Variants in CLTC observed in about 807,000 individuals in gnomAD.
The protein encoded by CLTC is clathrin heavy chain 1.
A neutral mutation model predicts 195.8 loss-of-function variants in CLTC; 16 were observed. The observed-to-expected ratio is 0.08, with a 90% CI of 0.06 to 0.12. The LOEUF (loss-of-function observed/expected upper bound fraction) is 0.12, where lower values mean the gene tolerates loss of function less well. CLTC is among the 10% of genes least tolerant of loss of function. The pLI is 1.00. For synonymous variants in CLTC, 667 were observed against 689.4 expected, an observed-to-expected ratio of 0.97 and a Z score of 0.51; for missense variants, 796 against 2,027.0, an observed-to-expected ratio of 0.39 and a Z score of 11.66.
rs1555608778 is a variant in CLTC, at chr17:59,695,681, C to CTAT, written c.*1831_*1833dup. On this transcript the variant is annotated 3_prime_UTR_variant, in exon 32 of 32. Coordinates refer to ENST00000269122, the MANE Select transcript of CLTC (RefSeq NM_004859.4). ...CTCTTGTCTCAAAAAACAAAAAAAC[C>CTAT]TATTTAGTTTCATCCAGGACATTAA... is the stretch of plus-strand genomic sequence containing the variant. 2.2e-5 allele frequency: 4 copies of CTAT among 185,960 alleles called. No homozygotes were observed. Among genetic ancestry groups the CTAT allele is most frequent in the Non-Finnish European group, 3.4e-5 (3 of 88,322 alleles). The allele number at this position is 185,960 out of a possible 1,614,324, so 11.5% of individuals were successfully genotyped here. A position where few individuals can be genotyped will look rare whatever the true frequency, so the allele number is the denominator to read the frequency against.
chr17:59,666,997 T>C lies in CLTC; in HGVS notation c.2128+20T>C. The C allele has an allele frequency of 1.9e-6, 3 of 1,589,032 alleles. No individual in the cohort carries two copies. The East Asian group carries it at 6.7e-5, about 36-fold the overall frequency. On this transcript the variant is annotated intron_variant, in intron 13 of 31. Transcript: ENST00000269122. This position sits in a 1 kb window ranked among gnomAD's most constrained non-coding sequence, Gnocchi z 4.9. ...TTGAAGGTAATTAGGAGTTTTTGAG[T>C]TTTTAAAAAAAGTACTTAAGGTAGC...
chr17:59,627,964 G>A (rs913909402), intron 1 of CLTC, among the ~76,000 whole-genome samples: 2 of 152,212 alleles, frequency 1.3e-5, no homozygotes, highest in African/African-American at 4.8e-5. Flanking sequence ...GCATGAAAGG[G>A]ATAGGAAATG....
At chr17:59,670,299 T>G (rs1030082277) in intron 14 of CLTC, among the ~76,000 whole-genome samples, 1 of 151,900 alleles carries the variant, frequency 6.6e-6, no homozygotes, top group South Asian at 2.1e-4. Flanking sequence ...GTTTTTCTTT[T>G]TAAGCTTTTA....
chr17:59,630,582 C>G lies in CLTC; in HGVS notation c.42+10409C>G, dbSNP rs148298286. On this transcript the variant is annotated intron_variant, in intron 1 of 31. Transcript: ENST00000269122. ...GTGAAGCAGTCCCTCTCCCATCCCCCTCCTCCCATCCGCTAGCAACTGCTA... is the reference window on the plus strand; with the variant it reads ...GTGAAGCAGTCCCTCTCCCATCCCCGTCCTCCCATCCGCTAGCAACTGCTA... 3.8e-3 allele frequency among the ~76,000 whole-genome samples: 573 copies of G among 152,288 alleles called. 3 individuals are homozygous for G. The highest frequency in any genetic ancestry group is 0.013 in the African/African-American group (549 of 41,546).
rs2033083719 is a variant in CLTC at position 59,681,644 on chromosome 17, T to C, written c.3250-3T>C. Reference sequence around the variant, plus strand: ...AACCCTAATTTCAAACTTGGATACTTAGGTCTTAATTGAGCATATTGGAAA... The same window carrying C: ...AACCCTAATTTCAAACTTGGATACTCAGGTCTTAATTGAGCATATTGGAAA... On this transcript the variant is annotated splice_polypyrimidine_tract_variant and splice_region_variant and intron_variant, in intron 20 of 31. Transcript: ENST00000269122. The surrounding 1 kb of genome is among the most constrained non-coding windows in gnomAD (Gnocchi z 5.0). 3.1e-6 allele frequency: 5 copies of C among 1,606,300 alleles called. No homozygotes were observed. The highest frequency in any genetic ancestry group is 1.7e-4 in the Middle Eastern group (1 of 6,056).
intron 1 of CLTC, among the ~76,000 whole-genome samples, chr17:59,631,578 T>G (rs8067355): frequency 0.86 from 130,530 of 152,290 alleles, 56,047 homozygotes; most frequent in South Asian, 0.94. Context: ...AAAACATACA[T>G]AAACAATTGG....
intron 2 of CLTC, among the ~76,000 whole-genome samples, chr17:59,645,268 C>T: frequency 6.6e-6 from 1 of 151,824 alleles, no homozygotes; most frequent in East Asian, 1.9e-4. Context: ...CTAGAAATGG[C>T]TTGAATTTAC....
intron 28 of CLTC, 107 bp from the exon 29 acceptor site, chr17:59,684,944 GAATCT>G (rs1222729162): frequency 1.3e-6 from 1 of 746,474 alleles, no homozygotes; most frequent in African/African-American, 1.8e-5. Flanking sequence ...TTTGATGCTT[GAATCT>G]AGGTGTCATA....
At position 59,683,832 on chromosome 17, in the gene CLTC, T is replaced by C. The variant is rs1357325208; in HGVS notation, c.4324-43T>C. The C allele has an allele frequency of 6.2e-7, 1 of 1,610,782 alleles. No homozygotes were observed. Among genetic ancestry groups the C allele is most frequent in the South Asian group, 1.1e-5 (1 of 90,956 alleles). ...CTTCGATAACTTTTGTCCCTGGGAC[T>C]TCAATAATGTGCTATATTTGTAACA... On this transcript the variant is annotated intron_variant, in intron 27 of 31. Transcript: ENST00000269122. This position sits in a 1 kb window ranked among gnomAD's most constrained non-coding sequence, Gnocchi z 6.1.
intron 6 of CLTC, chr17:59,656,275 C>T: frequency 2.9e-6 from 1 of 340,348 alleles, no homozygotes; most frequent in East Asian, 7.5e-5. Context: ...AATACAAAGT[C>T]TCTCTTTAAT....
Position 59,683,288 on chromosome 17 carries a change from AGCAACTGTGTAGTTAAAACTAAT to A in CLTC, c.4041+29_4041+51del, listed in dbSNP as rs1317844261. On this transcript the variant is annotated intron_variant, in intron 25 of 31. Coordinates refer to ENST00000269122, the MANE Select transcript of CLTC (RefSeq NM_004859.4). The surrounding 1 kb of genome is among the most constrained non-coding windows in gnomAD (Gnocchi z 6.1). Reference sequence around the variant, plus strand: ...GTAACCAGTCATTGTAACACAGTGAAGCAACTGTGTAGTTAAAACTAATGCTTCAAAATATCTTATTCTTTTTA... The same window carrying A: ...GTAACCAGTCATTGTAACACAGTGAAGCTTCAAAATATCTTATTCTTTTTA... 9 of 1,610,348 alleles carry A rather than the reference AGCAACTGTGTAGTTAAAACTAAT, an allele frequency of 5.6e-6. No individual in the cohort carries two copies. The Middle Eastern group carries it at 5.0e-4, about 89-fold the overall frequency.
chr17:59,655,978 C>T lies in CLTC; in HGVS notation c.920C>T (p.Ala307Val), dbSNP rs756921292. The T allele has an allele frequency of 8.7e-6, 14 of 1,612,562 alleles. No homozygotes were observed. Among genetic ancestry groups the T allele is most frequent in the Non-Finnish European group, 1.2e-5 (14 of 1,179,592 alleles). The change falls in exon 6 of 32, where the codon GCA becomes GTA. Residue 307 changes from alanine (A) to valine (V), a missense_variant. By Grantham distance (64) the Ala-to-Val change is moderately conservative. This residue lies in a region of CLTC where 293 missense variants were observed against 795.6 expected (regional missense o/e 0.37). Coordinates refer to ENST00000269122, the MANE Select transcript of CLTC (RefSeq NM_004859.4). ...RISGETIFVT[A>V]PHEATAGIIG... Reference sequence around the variant, plus strand: ...AGTGGAGAAACAATTTTTGTTACTGCACCTCATGAAGCCACAGCTGGAATA... The same window carrying T: ...AGTGGAGAAACAATTTTTGTTACTGTACCTCATGAAGCCACAGCTGGAATA...
chr17:59,626,182 A>G (rs1339678568), intron 1 of CLTC, among the ~76,000 whole-genome samples: 1 of 152,176 alleles, frequency 6.6e-6, no homozygotes, highest in East Asian at 1.9e-4. Context: ...CCTTGCATTC[A>G]TGCTTCCATT....
chr17:59,679,840 G>C (rs1184315081), intron 18 of CLTC, among the ~76,000 whole-genome samples: 1 of 151,962 alleles, frequency 6.6e-6, no homozygotes, highest in East Asian at 1.9e-4. Context: ...AGGCCGAGGT[G>C]GGTGGATCAC....
At chr17:59,680,155 C>T (rs2033053734) in intron 18 of CLTC, among the ~76,000 whole-genome samples, 1 of 152,050 alleles carries the variant, frequency 6.6e-6, no homozygotes, top group African/African-American at 2.4e-5. Context: ...ACAAACTAAA[C>T]ATTAAAGATT....
chr17:59,624,451 A>G lies in CLTC; in HGVS notation c.42+4278A>G, dbSNP rs571051719. The stretch of plus-strand genomic sequence containing the variant: ...CCAATAGAAAAATAATATGAGCCAC[A>G]TACTTTTTTTTTTTTTTTTTTTTTT... On this transcript the variant is annotated intron_variant, in intron 1 of 31. Transcript: ENST00000269122. Among the ~76,000 whole-genome samples, 12 of 128,640 alleles carry G rather than the reference A, an allele frequency of 9.3e-5. No individual in the cohort carries two copies. In the South Asian group the frequency reaches 3.6e-3, roughly 38 times the overall value. The allele number at this position is 128,640 out of a possible 152,430, so 84.4% of individuals were successfully genotyped here.
chr17:59,648,314 A>C lies in CLTC; in HGVS notation c.594A>C (p.Ala198=), dbSNP rs1161742307. The C allele has an allele frequency of 3.1e-6, 5 of 1,614,194 alleles. No individual in the cohort carries two copies. In the South Asian group the frequency reaches 4.4e-5, roughly 14 times the overall value. Reference sequence around the variant, plus strand: ...TGTCTCAGCCCATTGAAGGACATGCAGCTAGCTTTGCACAGTTTAAGATGG... The same window carrying C: ...TGTCTCAGCCCATTGAAGGACATGCCGCTAGCTTTGCACAGTTTAAGATGG... The part of the protein sequence containing the change: ...RKVSQPIEGH[A]ASFAQFKMEG... Residue 198 remains alanine (A), a synonymous_variant, in exon 4 of 32, where the codon GCA becomes GCC. Coordinates refer to ENST00000269122, the MANE Select transcript of CLTC (RefSeq NM_004859.4). This position sits in a 1 kb window ranked among gnomAD's most constrained non-coding sequence, Gnocchi z 4.5.
In CLTC at chr17:59,624,469, T is replaced by G. The variant is rs562175488; in HGVS notation, c.42+4296T>G. Among the ~76,000 whole-genome samples, 349 of 145,648 alleles carry G rather than the reference T, an allele frequency of 2.4e-3. 1 individual carries two copies. The highest frequency in any genetic ancestry group is 4.9e-3 in the East Asian group (24 of 4,896). ...GAGCCACATACTTTTTTTTTTTTTT[T>G]TTTTTTTTTTGAGACAGAGTCTCAC... On this transcript the variant is annotated intron_variant, in intron 1 of 31. Coordinates refer to ENST00000269122, the MANE Select transcript of CLTC (RefSeq NM_004859.4).
chr17:59,683,609 G>A lies in CLTC; in HGVS notation c.4192-16G>A, dbSNP rs746192489. 1.9e-5 allele frequency: 31 copies of A among 1,613,696 alleles called. No homozygotes were observed. The highest frequency in any genetic ancestry group is 2.6e-5 in the Non-Finnish European group (31 of 1,179,786). ...TTAGGAAGTAACTGACTTATGTATGGATTTTCCCATTGTAGGTTGCCAATG... is the reference window on the plus strand; with the variant it reads ...TTAGGAAGTAACTGACTTATGTATGAATTTTCCCATTGTAGGTTGCCAATG... On this transcript the variant is annotated splice_polypyrimidine_tract_variant and intron_variant, in intron 26 of 31. Coordinates refer to ENST00000269122, the MANE Select transcript of CLTC (RefSeq NM_004859.4). This position sits in a 1 kb window ranked among gnomAD's most constrained non-coding sequence, Gnocchi z 6.1.
Sources: gnomAD v4.1 joint callset for allele counts (sites outside exome capture counted in the v4.1 genomes callset) on GRCh38, gnomAD v4.1.1 for gene constraint, gnomAD v4.1.1 regional missense constraint, Gnocchi (gnomAD v3.1) non-coding constraint, MANE v1.5 for transcripts, NCBI Gene and HGNC (gene_info 2026-07-23, HGNC 2026-07-21) for gene names.